GOSR2: variants seen among roughly 807,000 people sequenced by gnomAD.
GOSR2 encodes 27 kDa Golgi SNARE protein.
Under a neutral mutation model 27.9 loss-of-function variants are expected in GOSR2, and 20 were observed. That is an observed-to-expected ratio of 0.72 (90% CI 0.50 to 1.04). The LOEUF (loss-of-function observed/expected upper bound fraction) is 1.04, where lower values mean the gene tolerates loss of function less well. Among genes scored for constraint, GOSR2 ranks in the 50% least tolerant of loss-of-function variants. The pLI, the probability that GOSR2 is intolerant of heterozygous loss-of-function variation, is 0.00. For synonymous variants in GOSR2, 91 were observed against 98.8 expected, an observed-to-expected ratio of 0.92 and a Z score of 0.47; for missense variants, 261 against 270.5, an observed-to-expected ratio of 0.97 and a Z score of 0.25.
downstream of GOSR2, chr17:46,975,605 C>G (rs1040712015): frequency 6.6e-5 from 10 of 152,388 alleles, no homozygotes; most frequent in African/African-American, 2.4e-4. Context: ...CTCACCCCTT[C>G]TCAGGACCCC....
chr17:46,938,630 A>G lies in GOSR2; in HGVS notation c.509A>G (p.Asn170Ser), dbSNP rs150907052. Residue 170 changes from asparagine (N) to serine (S), a missense_variant, in exon 6 of 6, where the codon AAC becomes AGC. Transcript: ENST00000640051. ...CAGAAGAAGATCCTTGACATTGCCA[A>G]CATGCTGGGCTTGTCCAACACAGTG... is the stretch of plus-strand genomic sequence containing the variant. ...GTQKKILDIA[N>S]MLGLSNTVMR... 459 of 1,614,102 alleles carry G rather than the reference A, an allele frequency of 2.8e-4. No individual in the cohort carries two copies. The highest frequency in any genetic ancestry group is 3.4e-4 in the Non-Finnish European group (397 of 1,179,998).
In GOSR2 at chr17:46,938,640, C is replaced by T. The variant is rs552055294; in HGVS notation, c.519C>T (p.Gly173=). ...TCCTTGACATTGCCAACATGCTGGG[C>T]TTGTCCAACACAGTGATGCGGCTCA... ...KKILDIANML[G]LSNTVMRLIE... is the part of the protein sequence containing the mutation. The change falls in exon 6 of 6, where the codon GGC becomes GGT. Residue 173 remains glycine, a synonymous_variant. Coordinates refer to ENST00000640051, the MANE Select transcript of GOSR2 (RefSeq NM_004287.5). 52 of 1,614,146 alleles carry T rather than the reference C, an allele frequency of 3.2e-5. 1 individual carries two copies. In the South Asian group the frequency reaches 5.3e-4, roughly 16 times the overall value.
chr17:46,949,663 G>T (rs961780729), intron 6 of GOSR2, among the ~76,000 whole-genome samples: 1 of 152,194 alleles, frequency 6.6e-6, no homozygotes, highest in Admixed American at 6.5e-5. Flanking sequence ...CGTCACACAG[G>T]TACAAGGTGC....
chr17:46,974,807 C>A (rs1002582462), intron 6 of GOSR2, among the ~76,000 whole-genome samples: 2 of 152,078 alleles, frequency 1.3e-5, no homozygotes, highest in Non-Finnish European at 2.9e-5. Context: ...AGCTGCGCTA[C>A]CTCAGGCAAC....
chr17:46,929,629 G>C, intron 2 of GOSR2, 45 bp downstream of exon 2: 1 of 925,270 alleles, frequency 1.1e-6, no homozygotes, highest in Non-Finnish European at 1.8e-6. Flanking sequence ...TCTGATGACA[G>C]GGTGCTAATG....
chr17:46,928,410 A>C (rs2086813502), intron 1 of GOSR2, among the ~76,000 whole-genome samples: 1 of 152,186 alleles, frequency 6.6e-6, no homozygotes, highest in African/African-American at 2.4e-5. Context: ...GTGAGAGTCC[A>C]GCAGGCCCCC....
chr17:46,946,893 C>G (rs574923083), downstream of GOSR2, among the ~76,000 whole-genome samples: 5 of 152,098 alleles, frequency 3.3e-5, no homozygotes, highest in Non-Finnish European at 7.4e-5. Context: ...TATGAGATGT[C>G]GCGGGGCAGC....
At chr17:46,948,258 T>TA (rs2090068995) in intron 6 of GOSR2, among the ~76,000 whole-genome samples, 1 of 152,324 alleles carries the variant, frequency 6.6e-6, no homozygotes, top group Admixed American at 6.5e-5. Context: ...GGCCAGTGCA[T>TA]ACTGCCATGC....
chr17:46,923,631 G>T (rs7225428), intron 1 of GOSR2: 3 of 1,213,436 alleles, frequency 2.5e-6, no homozygotes, highest in Non-Finnish European at 3.1e-6. Flanking sequence ...TGGAGAGTCA[G>T]GGCACGTACG....
At chr17:46,935,461 C>T in intron 5 of GOSR2, 1 of 1,378,082 alleles carries the variant, frequency 7.3e-7, no homozygotes, top group Middle Eastern at 2.7e-4. Context: ...ACGAGGGGTC[C>T]AATCACAGGC....
intron 6 of GOSR2, among the ~76,000 whole-genome samples, chr17:46,956,624 C>G (rs1295458271): frequency 6.6e-6 from 1 of 152,266 alleles, no homozygotes; most frequent in Middle Eastern, 3.4e-3. Flanking sequence ...TCTTATTTCT[C>G]TTGTCCCTTG....
Position 46,966,085 on chromosome 17 carries a change from A to G in GOSR2, c.584-449A>G, listed in dbSNP as rs2091307378. On this transcript the variant is annotated intron_variant, in intron 6 of 6. Transcript: ENST00000573224. ...CTACTTATAATATGTCTAACGATGGATCATTTCTCTCCTCCTCATCTTCTT... is the reference window on the plus strand; with the variant it reads ...CTACTTATAATATGTCTAACGATGGGTCATTTCTCTCCTCCTCATCTTCTT... Among the ~76,000 whole-genome samples the G allele has an allele frequency of 2.6e-5, 4 of 152,174 alleles. No individual in the cohort carries two copies. In the South Asian group the frequency reaches 6.2e-4, roughly 24 times the overall value.
At chr17:46,968,364 G>A (rs2091357053), downstream of GOSR2, among the ~76,000 whole-genome samples, 3 of 152,158 alleles carry the variant, frequency 2.0e-5, no homozygotes, top group South Asian at 6.2e-4. Context: ...TCTCAGCACT[G>A]CCTCCTTTCT....
chr17:46,964,396 C>CG (rs2091223895), intron 6 of GOSR2: 1 of 152,288 alleles, frequency 6.6e-6, no homozygotes, highest in Non-Finnish European at 1.5e-5. Context: ...TGAGCAGCCT[C>CG]TAAAAGCAGC....
intron 1 of GOSR2, among the ~76,000 whole-genome samples, chr17:46,928,686 TCAGGGTC>T (rs2086856132): frequency 6.6e-6 from 1 of 152,206 alleles, no homozygotes; most frequent in Non-Finnish European, 1.5e-5. Flanking sequence ...GGTCCCTGTC[TCAGGGTC>T]TTCCTCTGAA....
chr17:46,925,278 A>G (rs2086322357), intron 1 of GOSR2, among the ~76,000 whole-genome samples: 1 of 152,244 alleles, frequency 6.6e-6, no homozygotes, highest in South Asian at 2.1e-4. Flanking sequence ...TTTATTTATC[A>G]AAACAAGCAG....
At position 46,939,102 on chromosome 17, in the gene GOSR2, G is replaced by A. The variant is rs1397225296; in HGVS notation, c.*342G>A. On this transcript the variant is annotated 3_prime_UTR_variant, in exon 6 of 6. Coordinates refer to ENST00000640051, the MANE Select transcript of GOSR2 (RefSeq NM_004287.5). ...TGGGAAGGTGTCCACAGTGAGCCCT[G>A]TGTGCAGGACTGTCCACACGGTTCA... The A allele has an allele frequency of 2.5e-6, 3 of 1,208,496 alleles. No individual in the cohort carries two copies. The highest frequency in any genetic ancestry group is 3.1e-6 in the Non-Finnish European group (3 of 954,952). The allele number at this position is 1,208,496 out of a possible 1,614,324, so 74.9% of individuals were successfully genotyped here.
intron 1 of GOSR2, among the ~76,000 whole-genome samples, chr17:46,925,496 GT>G (rs986645758): frequency 6.6e-6 from 1 of 152,128 alleles, no homozygotes; most frequent in African/African-American, 2.4e-5. Flanking sequence ...GGGAGTTCTG[GT>G]TCTAGACCTC....
chr17:46,940,869 C>A lies in GOSR2; in HGVS notation c.*2109C>A, dbSNP rs911380299. ...TGGACACCCAGGGGCATTGAGACTG[C>A]ATGTTGTCACATGACCACTTCTCTT... is the stretch of plus-strand genomic sequence containing the variant. On this transcript the variant is annotated 3_prime_UTR_variant, in exon 6 of 6. Coordinates refer to ENST00000640051, the MANE Select transcript of GOSR2 (RefSeq NM_004287.5). 5.7e-6 allele frequency: 8 copies of A among 1,415,228 alleles called. No individual in the cohort carries two copies. The African/African-American group carries it at 1.2e-4, about 20-fold the overall frequency. 87.7% of individuals were successfully genotyped at this position (1,415,228 alleles called of 1,614,324 possible). A position where few individuals can be genotyped will look rare whatever the true frequency, so the allele number is the denominator to read the frequency against.
Sources: allele counts gnomAD v4.1 joint callset (sites outside exome capture counted in the v4.1 genomes callset), GRCh38; gene constraint gnomAD v4.1.1; transcripts MANE v1.5; gene names NCBI Gene and HGNC (gene_info 2026-07-23, HGNC 2026-07-21).